TIGAR: variants seen among roughly 807,000 people sequenced by gnomAD.
TIGAR encodes fructose-2,6-bisphosphatase TIGAR.
TIGAR carries 7 observed loss-of-function variants against 17.9 expected under a neutral mutation model. That is an observed-to-expected ratio of 0.39 (90% confidence interval 0.22 to 0.73). The LOEUF (loss-of-function observed/expected upper bound fraction) is 0.73, where lower values mean the gene tolerates loss of function less well. Ranked by LOEUF, TIGAR falls within the 30% of genes least tolerant of loss-of-function variation. The probability of loss-of-function intolerance (pLI) is 0.42; values close to 1 mark genes in which losing one functional copy is unlikely to be tolerated. For synonymous variants in TIGAR, 94 were observed against 108.6 expected (o/e 0.87, Z 0.84); for missense variants, 258 against 327.4 (o/e 0.79, Z 1.64).
At position 4,356,167 on chromosome 12, in the gene TIGAR, A is replaced by C. The variant is rs767682333; in HGVS notation, c.*3476A>C. Among the ~76,000 whole-genome samples, 43 of 152,276 alleles carry C rather than the reference A, an allele frequency of 2.8e-4. No homozygotes were observed. Among genetic ancestry groups the C allele is most frequent in the Middle Eastern group, 3.4e-3 (1 of 294 alleles). On this transcript the variant is annotated 3_prime_UTR_variant, in exon 6 of 6. Coordinates refer to ENST00000179259, the MANE Select transcript of TIGAR (RefSeq NM_020375.3). ...CAAGGTTGGAGGCAGGGAAGATGGC[A>C]GCACTGGCTGTTGGGCCATTTGAAG... is the stretch of plus-strand genomic sequence containing the variant.
intron 3 of TIGAR, among the ~76,000 whole-genome samples, chr12:4,345,232 T>A (rs1488159966): frequency 6.6e-6 from 1 of 152,170 alleles, no homozygotes; most frequent in Non-Finnish European, 1.5e-5. Context: ...TACCAATGAC[T>A]TTCTTCACAG....
At chr12:4,341,567 C>CATTTGCTGTTCAGCAAT (rs1434415837) in intron 3 of TIGAR, among the ~76,000 whole-genome samples, 3 of 152,368 alleles carry the variant, frequency 2.0e-5, no homozygotes, top group East Asian at 1.9e-4. Flanking sequence ...CAGGCAGCAA[C>CATTTGCTGTTCAGCAAT]ATTTGCTGTT....
chr12:4,350,483 A>G (rs566988025), intron 4 of TIGAR, among the ~76,000 whole-genome samples: 5 of 152,302 alleles, frequency 3.3e-5, no homozygotes, highest in African/African-American at 9.6e-5. Flanking sequence ...TAGCTTAACA[A>G]TGTTGCCATG....
At position 4,321,398 on chromosome 12, in the gene TIGAR, C is replaced by T. The variant is rs959254133; in HGVS notation, c.32+95C>T. On this transcript the variant is annotated intron_variant, in intron 1 of 5. Coordinates refer to ENST00000179259, the MANE Select transcript of TIGAR (RefSeq NM_020375.3). The surrounding 1 kb of genome is among the most constrained non-coding windows in gnomAD (Gnocchi z 5.2). The stretch of plus-strand genomic sequence containing the variant: ...AACGGGTCCACCACCCTCTCCCCTC[C>T]CTGCTCGCTCCAGCCCGGGAGGGCT... 1.1e-5 allele frequency: 17 copies of T among 1,544,100 alleles called. No homozygotes were observed. Among genetic ancestry groups the T allele is most frequent in the Middle Eastern group, 3.4e-4 (2 of 5,924 alleles).
rs560380974 is a variant in TIGAR at position 4,357,174 on chromosome 12, A to G, written c.*4483A>G. On this transcript the variant is annotated 3_prime_UTR_variant, in exon 6 of 6. Transcript: ENST00000179259. ...TATGCAGGAAGTGCAATATTTGGCC[A>G]TATCACTTAAGTACATATGCTTATA... is the stretch of plus-strand genomic sequence containing the variant. 7.9e-5 allele frequency among the ~76,000 whole-genome samples: 12 copies of G among 152,264 alleles called. No homozygotes were observed. Among genetic ancestry groups the G allele is most frequent in the Non-Finnish European group, 1.8e-4 (12 of 68,054 alleles).
intron 3 of TIGAR, among the ~76,000 whole-genome samples, chr12:4,343,152 G>A (rs1864743381): frequency 1.3e-5 from 2 of 152,114 alleles, no homozygotes; most frequent in South Asian, 4.2e-4. Context: ...ATTACATAAT[G>A]GTAAAGGGAT....
intron 3 of TIGAR, among the ~76,000 whole-genome samples, chr12:4,342,931 C>T (rs1013896725): frequency 2.0e-5 from 3 of 152,170 alleles, no homozygotes; most frequent in Non-Finnish European, 4.4e-5. Flanking sequence ...AATTAAAAGA[C>T]ACAGACTGGC....
intron 3 of TIGAR, among the ~76,000 whole-genome samples, chr12:4,341,690 A>G (rs1221630874): frequency 6.6e-6 from 1 of 152,206 alleles, no homozygotes; most frequent in Non-Finnish European, 1.5e-5. Flanking sequence ...TGACTGTTAG[A>G]AGGAAAACTA....
intron 3 of TIGAR, among the ~76,000 whole-genome samples, chr12:4,346,988 G>A (rs550141071): frequency 6.6e-6 from 1 of 152,276 alleles, no homozygotes; most frequent in African/African-American, 2.4e-5. Flanking sequence ...GAATTGTTTG[G>A]AGGGAGGTTC....
At chr12:4,333,524 C>T (rs1020668965) in intron 2 of TIGAR, among the ~76,000 whole-genome samples, 4 of 152,080 alleles carry the variant, frequency 2.6e-5, no homozygotes, top group African/African-American at 4.8e-5. Context: ...GGCTGGAGTG[C>T]AATGGCGTGA....
chr12:4,331,348 T>C, intron 2 of TIGAR, 31 bp downstream of exon 2: 2 of 1,598,458 alleles, frequency 1.3e-6, no homozygotes, highest in Non-Finnish European at 1.7e-6. Context: ...ATTTTAGCTC[T>C]CACCCTTGTG....
At position 4,357,974 on chromosome 12, in the gene TIGAR, G is replaced by A. The variant is rs958616146; in HGVS notation, c.*5283G>A. Among the ~76,000 whole-genome samples, 4 of 151,848 alleles carry A rather than the reference G, an allele frequency of 2.6e-5. No homozygotes were observed. Among genetic ancestry groups the A allele is most frequent in the African/African-American group, 7.3e-5 (3 of 41,332 alleles). ...AAAAAATTAGCCAGGCCTGGTGGCC[G>A]GCGCCTGTAGTCCCAGCTACTTGGG... On this transcript the variant is annotated 3_prime_UTR_variant, in exon 6 of 6. Coordinates refer to ENST00000179259, the MANE Select transcript of TIGAR (RefSeq NM_020375.3).
rs373507489 is a variant in TIGAR, at chr12:4,356,525, A to T, written c.*3834A>T. On this transcript the variant is annotated 3_prime_UTR_variant, in exon 6 of 6. Coordinates refer to ENST00000179259, the MANE Select transcript of TIGAR (RefSeq NM_020375.3). Reference sequence around the variant, plus strand: ...ACGCATTGCTTCTCCTACTATCAACATCCCCCACCAGACCAGTGCATCTGT... The same window carrying T: ...ACGCATTGCTTCTCCTACTATCAACTTCCCCCACCAGACCAGTGCATCTGT... 2.0e-5 allele frequency among the ~76,000 whole-genome samples: 3 copies of T among 152,170 alleles called. No homozygotes were observed. The highest frequency in any genetic ancestry group is 3.9e-4 in the East Asian group (2 of 5,176).
In TIGAR at chr12:4,354,631, G is replaced by T. The variant is rs1226865670; in HGVS notation, c.*1940G>T. 1 of 151,596 alleles carries T rather than the reference G, an allele frequency of 6.6e-6. No homozygotes were observed. Among genetic ancestry groups the T allele is most frequent in the African/African-American group, 2.4e-5 (1 of 41,254 alleles). 9.4% of individuals were successfully genotyped at this position (151,596 alleles called of 1,614,324 possible). A position where few individuals can be genotyped will look rare whatever the true frequency, so the allele number is the denominator to read the frequency against. On this transcript the variant is annotated 3_prime_UTR_variant, in exon 6 of 6. Coordinates refer to ENST00000179259, the MANE Select transcript of TIGAR (RefSeq NM_020375.3). ...AGGCATCTCTGTGTTGATATATATA[G>T]ATCTAGTTAATTATAACCACTCTAT...
At chr12:4,331,569 C>G (rs1249027253) in intron 2 of TIGAR, among the ~76,000 whole-genome samples, 1 of 152,156 alleles carries the variant, frequency 6.6e-6, no homozygotes, top group Non-Finnish European at 1.5e-5. Context: ...CAAAGTGGCT[C>G]TGTCAGCTGA....
intron 3 of TIGAR, among the ~76,000 whole-genome samples, chr12:4,338,975 C>CA (rs199840929): frequency 0.019 from 702 of 37,738 alleles, 48 homozygotes; most frequent in Admixed American, 0.034. Flanking sequence ...AACTTTGTCT[C>CA]ACAAAAAAAA....
intron 3 of TIGAR, among the ~76,000 whole-genome samples, chr12:4,346,345 G>A (rs991757469): frequency 5.9e-5 from 9 of 152,204 alleles, no homozygotes; most frequent in African/African-American, 1.9e-4. Flanking sequence ...GCAAAGACTT[G>A]GAACCAACCC....
Position 4,352,854 on chromosome 12 carries a change from T to A in TIGAR, c.*163T>A. ...CATAAAACTTTAATGGACAACCATATAGAATTAACTTATTTTGTCCAAGTA... is the reference window on the plus strand; with the variant it reads ...CATAAAACTTTAATGGACAACCATAAAGAATTAACTTATTTTGTCCAAGTA... On this transcript the variant is annotated 3_prime_UTR_variant, in exon 6 of 6. Coordinates refer to ENST00000179259, the MANE Select transcript of TIGAR (RefSeq NM_020375.3). 1 of 616,524 alleles carries A rather than the reference T, an allele frequency of 1.6e-6. No individual in the cohort carries two copies. Among genetic ancestry groups the A allele is most frequent in the Non-Finnish European group, 2.8e-6 (1 of 363,510 alleles). 38.2% of individuals were successfully genotyped at this position (616,524 alleles called of 1,614,324 possible). A position where few individuals can be genotyped will look rare whatever the true frequency, so the allele number is the denominator to read the frequency against.
intron 3 of TIGAR, among the ~76,000 whole-genome samples, chr12:4,349,493 C>A (rs1864814310): frequency 6.6e-6 from 1 of 152,008 alleles, no homozygotes; most frequent in East Asian, 1.9e-4. Flanking sequence ...TCTCAGCTCA[C>A]TGCAACCTCC....
Sources: allele counts gnomAD v4.1 joint callset (sites outside exome capture counted in the v4.1 genomes callset), GRCh38; gene constraint gnomAD v4.1.1; non-coding constraint Gnocchi (gnomAD v3.1); transcripts MANE v1.5; gene names NCBI Gene and HGNC (gene_info 2026-07-23, HGNC 2026-07-21).